ATG10: variants seen among roughly 807,000 people sequenced by gnomAD.
ATG10 encodes the protein ubiquitin-like-conjugating enzyme ATG10.
Under a neutral mutation model 32.1 loss-of-function variants are expected in ATG10, and 30 were observed. The observed-to-expected ratio is 0.94, with a 90% CI of 0.70 to 1.27. The LOEUF is 1.27. ATG10 is among the 50% of genes most tolerant of loss of function. ATG10 has a pLI of 0.00. For missense variants in ATG10, 233 were observed against 262.3 expected, an observed-to-expected ratio of 0.89 and a Z score of 0.77; for synonymous variants, 87 against 91.5, an observed-to-expected ratio of 0.95 and a Z score of 0.28.
At chr5:82,155,416 CA>C (rs1420738702) in intron 3 of ATG10, among the ~76,000 whole-genome samples, 1 of 152,114 alleles carries the variant, frequency 6.6e-6, no homozygotes, top group Non-Finnish European at 1.5e-5. Context: ...TTAGGATTTT[CA>C]GGGGTAGGCA....
intron 5 of ATG10, among the ~76,000 whole-genome samples, chr5:82,223,154 A>G (rs538173394): frequency 2.6e-5 from 4 of 152,318 alleles, no homozygotes; most frequent in African/African-American, 9.6e-5. Context: ...GTATGCCATT[A>G]TCATTTGCTA....
chr5:82,170,101 A>G (rs1743743336), intron 4 of ATG10, among the ~76,000 whole-genome samples: 1 of 152,244 alleles, frequency 6.6e-6, no homozygotes, highest in South Asian at 2.1e-4. Flanking sequence ...CACATATACA[A>G]AAGGCAAGAG....
intron 3 of ATG10, among the ~76,000 whole-genome samples, chr5:82,114,850 A>C (rs1337513658): frequency 2.0e-5 from 3 of 152,074 alleles, no homozygotes; most frequent in Non-Finnish European, 4.4e-5. Flanking sequence ...AGTTATGTAA[A>C]ATATGTACTA....
intron 3 of ATG10, among the ~76,000 whole-genome samples, chr5:82,123,802 G>C (rs1766142183): frequency 6.6e-6 from 1 of 151,326 alleles, no homozygotes; most frequent in African/African-American, 2.4e-5. Flanking sequence ...CATGCATGGT[G>C]GTGTAAGCCT....
intron 5 of ATG10, among the ~76,000 whole-genome samples, chr5:82,204,221 G>A (rs1016658337): frequency 1.1e-4 from 16 of 152,054 alleles, no homozygotes; most frequent in Admixed American, 4.6e-4. Flanking sequence ...ACCTTCCAAA[G>A]CACTTTAACC....
chr5:82,185,780 A>G (rs1385991278), intron 5 of ATG10, among the ~76,000 whole-genome samples: 1 of 152,164 alleles, frequency 6.6e-6, no homozygotes, highest in African/African-American at 2.4e-5. Context: ...TGGCTGATAA[A>G]CTGATGATTT....
intron 3 of ATG10, among the ~76,000 whole-genome samples, chr5:82,090,760 G>A (rs140954535): frequency 1.9e-3 from 290 of 152,242 alleles, no homozygotes; most frequent in Admixed American, 3.8e-3. Flanking sequence ...TTTGCGAGAT[G>A]TTGCCATTGG....
chr5:82,012,730 A>G (rs1051038831), intron 2 of ATG10, among the ~76,000 whole-genome samples: 7 of 152,008 alleles, frequency 4.6e-5, no homozygotes, highest in Non-Finnish European at 1.0e-4. Flanking sequence ...GTCTCGGTTC[A>G]TTGCAACCTC....
rs7700757 is a variant in ATG10 at position 82,086,586 on chromosome 5, G to A, written c.216+27984G>A. ...AGGATAGTTGGACTTCTTAGCTGTG[G>A]TCTTCATTCTCTAGAGCACATAGTT... On this transcript the variant is annotated intron_variant, in intron 3 of 7. Coordinates refer to ENST00000282185, the MANE Select transcript of ATG10 (RefSeq NM_031482.5). 3.4e-3 allele frequency among the ~76,000 whole-genome samples: 516 copies of A among 152,206 alleles called. 3 individuals carry two copies. Among genetic ancestry groups the A allele is most frequent in the African/African-American group, 0.012 (493 of 41,528 alleles).
chr5:81,979,570 A>G (rs1760974509), intron 1 of ATG10, among the ~76,000 whole-genome samples: 1 of 152,156 alleles, frequency 6.6e-6, no homozygotes, highest in South Asian at 2.1e-4. Context: ...TATAGATGCT[A>G]AGATACGAAG....
intron 3 of ATG10, among the ~76,000 whole-genome samples, chr5:82,063,359 A>G (rs1201889989): frequency 1.3e-5 from 2 of 152,194 alleles, no homozygotes; most frequent in African/African-American, 2.4e-5. Context: ...AAAATACCTC[A>G]GAATTAATGT....
intron 3 of ATG10, among the ~76,000 whole-genome samples, chr5:82,127,069 A>C (rs2149835981): frequency 6.6e-6 from 1 of 152,318 alleles, no homozygotes; most frequent in East Asian, 1.9e-4. Flanking sequence ...TTATTTGCAT[A>C]GAGGTGTTTA....
At chr5:82,231,299 G>A (rs183138310) in intron 5 of ATG10, among the ~76,000 whole-genome samples, 30 of 152,302 alleles carry the variant, frequency 2.0e-4, no homozygotes, top group African/African-American at 7.0e-4. Context: ...TGATCAGGAA[G>A]TGGGATTAGA....
At chr5:82,129,944 C>G (rs1766451237) in intron 3 of ATG10, among the ~76,000 whole-genome samples, 1 of 152,170 alleles carries the variant, frequency 6.6e-6, no homozygotes, top group South Asian at 2.1e-4. Context: ...GCTGCCCCCA[C>G]AACTGCCCCT....
At position 82,164,376 on chromosome 5, in the gene ATG10, G is replaced by A. The variant is rs200202834; in HGVS notation, c.217-23G>A. 3.9e-4 allele frequency: 633 copies of A among 1,610,710 alleles called. 1 individual carries two copies. Among genetic ancestry groups the A allele is most frequent in the Non-Finnish European group, 4.9e-4 (576 of 1,178,630 alleles). The stretch of plus-strand genomic sequence containing the variant: ...TTTTCTTATTAAGAAACCCGTTTTC[G>A]TTTTGTTTTTGCTTTTTTTTAGGAG... On this transcript the variant is annotated intron_variant, in intron 3 of 7. Transcript: ENST00000282185.
chr5:82,173,867 A>G (rs570647482), intron 4 of ATG10, among the ~76,000 whole-genome samples: 1 of 152,304 alleles, frequency 6.6e-6, no homozygotes, highest in African/African-American at 2.4e-5. Context: ...GCAGGCACAT[A>G]ATAATGTGTT....
chr5:82,053,676 A>C (rs1283846069), intron 2 of ATG10, among the ~76,000 whole-genome samples: 1 of 152,102 alleles, frequency 6.6e-6, no homozygotes, highest in African/African-American at 2.4e-5. Context: ...TTATAATGAA[A>C]GTTGTTTGGG....
intron 3 of ATG10, among the ~76,000 whole-genome samples, chr5:82,150,319 C>T (rs1366168024): frequency 1.3e-5 from 2 of 149,388 alleles, no homozygotes; most frequent in African/African-American, 4.9e-5. Context: ...CAAGTCACTA[C>T]GTATAATTTT....
chr5:82,081,085 G>T (rs552340768), intron 3 of ATG10, among the ~76,000 whole-genome samples: 154 of 152,276 alleles, frequency 1.0e-3, no homozygotes, highest in Middle Eastern at 6.8e-3. Flanking sequence ...CACATCCCTT[G>T]TAAGTTGGAT....
Sources: allele counts gnomAD v4.1 joint callset (sites outside exome capture counted in the v4.1 genomes callset), GRCh38; gene constraint gnomAD v4.1.1; transcripts MANE v1.5; gene names NCBI Gene and HGNC (gene_info 2026-07-23, HGNC 2026-07-21).